The following USP10 variants were observed in gnomAD, a reference collection of about 807,000 sequenced individuals.
USP10 encodes the protein ubiquitin specific peptidase 10, also known as ubiquitin carboxyl-terminal hydrolase 10.
USP10 carries 22 observed loss-of-function variants against 84.5 expected under a neutral mutation model. The observed-to-expected ratio is 0.26, with a 90% CI of 0.19 to 0.37. The LOEUF (loss-of-function observed/expected upper bound fraction) is 0.37. Ranked by LOEUF, USP10 falls within the 10% of genes least tolerant of loss-of-function variation. The pLI is 1.00. For synonymous variants in USP10, 454 were observed against 387.6 expected (o/e 1.17, Z -2.01); for missense variants, 1,019 against 998.9 (o/e 1.02, Z -0.27).
At chr16:84,730,570 G>T (rs1909084074) in intron 1 of USP10, among the ~76,000 whole-genome samples, 1 of 152,210 alleles carries the variant, frequency 6.6e-6, no homozygotes, top group Non-Finnish European at 1.5e-5. Context: ...CTCATGACTT[G>T]AGGGTGTTTG....
At chr16:84,713,764 T>G (rs1005426818) in intron 1 of USP10, among the ~76,000 whole-genome samples, 1 of 152,222 alleles carries the variant, frequency 6.6e-6, no homozygotes, top group African/African-American at 2.4e-5. Context: ...CGGGGACACC[T>G]TGGCTCATGT....
intron 1 of USP10, among the ~76,000 whole-genome samples, chr16:84,715,094 A>G (rs1906840567): frequency 6.6e-6 from 1 of 151,896 alleles, no homozygotes. Flanking sequence ...ATGCCTAGCT[A>G]CTTTTTATAT....
intron 1 of USP10, among the ~76,000 whole-genome samples, chr16:84,700,396 C>T (rs1567578651): frequency 6.6e-6 from 1 of 151,956 alleles, no homozygotes; most frequent in African/African-American, 2.4e-5. Context: ...GTTAACCTCC[C>T]TGGGGCTGGA....
intron 8 of USP10, among the ~76,000 whole-genome samples, 167 bp from the exon 9 acceptor site, chr16:84,762,822 G>A (rs1374053212): frequency 1.3e-5 from 2 of 152,056 alleles, no homozygotes; most frequent in African/African-American, 4.8e-5. Context: ...CCTACTCTTG[G>A]GATTTCAGCT....
intron 3 of USP10, among the ~76,000 whole-genome samples, chr16:84,743,902 C>G (rs1475024242): frequency 6.6e-6 from 1 of 152,146 alleles, no homozygotes; most frequent in Non-Finnish European, 1.5e-5. Flanking sequence ...TGGGGTTAAT[C>G]CAGTGTGAAT....
At chr16:84,774,250 TAAATA>T (rs941553028) in intron 12 of USP10, among the ~76,000 whole-genome samples, 1 of 151,538 alleles carries the variant, frequency 6.6e-6, no homozygotes, top group Non-Finnish European at 1.5e-5. Flanking sequence ...CTCAAAAAAA[TAAATA>T]AATAACATAA....
chr16:84,718,028 AT>A (rs1438441098), intron 1 of USP10, among the ~76,000 whole-genome samples: 29 of 152,218 alleles, frequency 1.9e-4, no homozygotes, highest in African/African-American at 6.5e-4. Flanking sequence ...TGGAAGAACA[AT>A]GATGAGAGAG....
At chr16:84,777,083 G>A (rs774303) in intron 13 of USP10, among the ~76,000 whole-genome samples, 6,722 of 152,322 alleles carry the variant, frequency 0.044, 210 homozygotes, top group African/African-American at 0.093. Context: ...ATTACCTGTA[G>A]AGTGAGCAAA....
At chr16:84,740,193 C>A in intron 2 of USP10, 116 bp from the exon 3 acceptor site, 1 of 827,058 alleles carries the variant, frequency 1.2e-6, no homozygotes, top group Non-Finnish European at 1.9e-6. Flanking sequence ...CTAGAAGTAA[C>A]GGCATGCAAA....
intron 2 of USP10, among the ~76,000 whole-genome samples, chr16:84,737,018 G>A (rs1350223172): frequency 6.6e-6 from 1 of 152,192 alleles, no homozygotes; most frequent in Non-Finnish European, 1.5e-5. Flanking sequence ...TTGATCTCCT[G>A]ACCTCGTGGT....
At chr16:84,756,254 T>G (rs1912527608) in intron 4 of USP10, among the ~76,000 whole-genome samples, 2 of 152,338 alleles carry the variant, frequency 1.3e-5, no homozygotes, top group South Asian at 4.1e-4. Context: ...TAGGCAGGGC[T>G]CAGCAGGGGT....
intron 1 of USP10, among the ~76,000 whole-genome samples, chr16:84,723,351 A>G (rs1198233089): frequency 6.6e-6 from 1 of 152,198 alleles, no homozygotes; most frequent in East Asian, 1.9e-4. Context: ...TAAGTGTTAT[A>G]CTTTAAAAAT....
chr16:84,763,098 G>C lies in USP10; in HGVS notation c.1654+10G>C. 6.3e-7 allele frequency: 1 copy of C among 1,586,378 alleles called. No individual in the cohort carries two copies. Among genetic ancestry groups the C allele is most frequent in the Non-Finnish European group, 8.6e-7 (1 of 1,156,102 alleles). ...TCACCAAGTAATGAAAGTAGGTTAT[G>C]GTCCACTTGCCGCAGAGTTGTGCAA... On this transcript the variant is annotated intron_variant, in intron 9 of 13. Transcript: ENST00000219473.
rs1419787636 is a variant in USP10 at position 84,759,895 on chromosome 16, C to T, written c.1399C>T (p.Arg467Trp). 6.2e-7 allele frequency: 1 copy of T among 1,613,812 alleles called. No individual in the cohort carries two copies. Among genetic ancestry groups the T allele is most frequent in the Non-Finnish European group, 8.5e-7 (1 of 1,179,824 alleles). ...ACATTTTTTCCCCATGTTTAGTGTT[C>T]GGCTAATGAATGAGTTCACTAATAT... ...TSTPMIDSFV[R>W]LMNEFTNMPV... The change falls in exon 7 of 14, where the codon CGG (arginine) becomes TGG (tryptophan). Residue 467 changes from arginine to tryptophan, a missense_variant. By Grantham distance (101) the Arg-to-Trp change is moderately radical. Around this residue, in one of 2 missense-constraint regions of USP10, gnomAD observed 787 missense variants for 708.8 expected, o/e 1.11. Transcript: ENST00000219473.
In USP10 at chr16:84,760,294, G is replaced by A. The variant is rs1352241933; in HGVS notation, c.1554+19G>A. The A allele has an allele frequency of 3.2e-6, 5 of 1,575,698 alleles. No individual in the cohort carries two copies. The highest frequency in any genetic ancestry group is 4.3e-6 in the Non-Finnish European group (5 of 1,156,630). On this transcript the variant is annotated intron_variant, in intron 8 of 13. Transcript: ENST00000219473. ...TGAAAAGGTTTGAGACTTCTCTGTT[G>A]TCACTAGTATCAAGTGTTGCCTTTT...
chr16:84,757,441 G>T (rs1162875402), intron 4 of USP10, among the ~76,000 whole-genome samples: 2 of 142,402 alleles, frequency 1.4e-5, no homozygotes, highest in African/African-American at 5.1e-5. Context: ...GTGTGTGTGT[G>T]TGTGTTTTGA....
chr16:84,745,523 G>A lies in USP10; in HGVS notation c.1042G>A (p.Asp348Asn), dbSNP rs1321687160. The stretch of plus-strand genomic sequence containing the variant: ...CAAGTCCTGGGCCAGCCTCTTTCAT[G>A]ATTCTAAGCCCTCTTCCTCCTCGCC... ...QPKSWASLFH[D>N]SKPSSSSPVA... Residue 348 changes from aspartate to asparagine, a missense_variant, in exon 4 of 14, where the codon GAT becomes AAT. Physicochemically the swap from Asp to Asn is conservative, Grantham distance 23. Around this residue, in one of 2 missense-constraint regions of USP10, gnomAD observed 787 missense variants for 708.8 expected, o/e 1.11. Transcript: ENST00000219473. The A allele has an allele frequency of 6.2e-7, 1 of 1,613,380 alleles. No homozygotes were observed. The highest frequency in any genetic ancestry group is 1.7e-5 in the Admixed American group (1 of 59,952).
At position 84,745,533 on chromosome 16, in the gene USP10, C is replaced by A; in HGVS notation, c.1052C>A (p.Pro351His). 1.2e-6 allele frequency: 2 copies of A among 1,613,100 alleles called. No individual in the cohort carries two copies. Among genetic ancestry groups the A allele is most frequent in the South Asian group, 2.2e-5 (2 of 90,894 alleles). The change falls in exon 4 of 14, where the codon CCC becomes CAC. Residue 351 changes from proline (P) to histidine (H), a missense_variant. By Grantham distance (77) the Pro-to-His change is moderately conservative. Coordinates refer to ENST00000219473, the MANE Select transcript of USP10 (RefSeq NM_005153.3). ...GCCAGCCTCTTTCATGATTCTAAGC[C>A]CTCTTCCTCCTCGCCGGTGGCCTAT... ...SWASLFHDSK[P>H]SSSSPVAYVE... is the part of the protein sequence containing the mutation.
At chr16:84,703,004 A>AC in intron 1 of USP10, among the ~76,000 whole-genome samples, 1 of 150,742 alleles carries the variant, frequency 6.6e-6, no homozygotes, top group Middle Eastern at 3.4e-3. Flanking sequence ...AAAAAAAAAA[A>AC]AAAAAAAAAG....
Sources: gnomAD v4.1 joint callset for allele counts (sites outside exome capture counted in the v4.1 genomes callset) on GRCh38, gnomAD v4.1.1 for gene constraint, gnomAD v4.1.1 regional missense constraint, MANE v1.5 for transcripts, NCBI Gene and HGNC (gene_info 2026-07-23, HGNC 2026-07-21) for gene names.